SPTB: variants seen among roughly 807,000 people sequenced by gnomAD.
The protein encoded by SPTB is spectrin beta, erythrocytic, also known as spectrin beta chain, erythrocytic.
SPTB carries 45 observed loss-of-function variants against 256.2 expected under a neutral mutation model. The ratio of observed to expected loss-of-function variants is 0.18; its 90% confidence interval spans 0.14 to 0.23. SPTB has a LOEUF of 0.23. Among genes scored for constraint, SPTB ranks in the 10% least tolerant of loss-of-function variants. The probability of loss-of-function intolerance (pLI) is 1.00; values close to 1 mark genes in which losing one functional copy is unlikely to be tolerated. For synonymous variants in SPTB, 1,231 were observed against 1,243.1 expected (o/e 0.99, Z 0.21); for missense variants, 2,715 against 3,040.4 (o/e 0.89, Z 2.52).
intron 1 of SPTB, among the ~76,000 whole-genome samples, chr14:64,837,823 A>T (rs1029540012): frequency 1.3e-5 from 2 of 151,794 alleles, no homozygotes; most frequent in Admixed American, 1.3e-4. Flanking sequence ...CAGGTCTCAA[A>T]CTCCTGACCT....
Position 64,796,442 on chromosome 14 carries a change from G to T in SPTB, c.1341+115C>A. The T allele has an allele frequency of 2.2e-6, 3 of 1,387,118 alleles. No individual in the cohort carries two copies. Among genetic ancestry groups the T allele is most frequent in the Non-Finnish European group, 3.0e-6 (3 of 983,998 alleles). 85.9% of individuals were successfully genotyped at this position (1,387,118 alleles called of 1,614,324 possible). On this transcript the variant is annotated intron_variant, in intron 11 of 35. Coordinates refer to ENST00000644917, the MANE Select transcript of SPTB (RefSeq NM_001355436.2). The surrounding 1 kb of genome is among the most constrained non-coding windows in gnomAD (Gnocchi z 4.1). ...ATCCACTGGATCACGGGGGAGCTGT[G>T]CTGCAAGGCACGAGGAGAGGCTGTG...
intron 1 of SPTB, among the ~76,000 whole-genome samples, chr14:64,830,418 G>A (rs888149507): frequency 6.6e-6 from 1 of 150,696 alleles, no homozygotes; most frequent in Non-Finnish European, 1.5e-5. Context: ...CACTCTTGTT[G>A]CTCATGCTGG....
chr14:64,746,614 AGG>A lies in SPTB; in HGVS notation c.*2690_*2691del. 6.6e-6 allele frequency: 1 copy of A among 152,532 alleles called. No homozygotes were observed. The highest frequency in any genetic ancestry group is 1.9e-4 in the East Asian group (1 of 5,146). The allele number at this position is 152,532 out of a possible 1,614,324, so 9.4% of individuals were successfully genotyped here. A position where few individuals can be genotyped will look rare whatever the true frequency, so the allele number is the denominator to read the frequency against. On this transcript the variant is annotated 3_prime_UTR_variant, in exon 36 of 36. Coordinates refer to ENST00000644917, the MANE Select transcript of SPTB (RefSeq NM_001355436.2). The surrounding 1 kb of genome is among the most constrained non-coding windows in gnomAD (Gnocchi z 4.9). ...TAGGCAGGAAGGAGGAGGGATGCGGAGGAGAGGCTGAGCCTTCCACGGGCCTC... is the reference window on the plus strand; with the variant it reads ...TAGGCAGGAAGGAGGAGGGATGCGGAAGAGGCTGAGCCTTCCACGGGCCTC...
rs2082392327 is a variant in SPTB, at chr14:64,778,014, T to C, written c.4563+1143A>G. Reference sequence around the variant, plus strand: ...AGACTAGAGTTGGCTCATTTTACAATTAAGGAAACTGAGGTCCCAAGGATA... The same window carrying C: ...AGACTAGAGTTGGCTCATTTTACAACTAAGGAAACTGAGGTCCCAAGGATA... On this transcript the variant is annotated intron_variant, in intron 22 of 35. Coordinates refer to ENST00000644917, the MANE Select transcript of SPTB (RefSeq NM_001355436.2). This position sits in a 1 kb window ranked among gnomAD's most constrained non-coding sequence, Gnocchi z 5.2. Among the ~76,000 whole-genome samples, 1 of 152,154 alleles carries C rather than the reference T, an allele frequency of 6.6e-6. No individual in the cohort carries two copies. The highest frequency in any genetic ancestry group is 2.1e-4 in the South Asian group (1 of 4,830).
Position 64,772,654 on chromosome 14 carries a change from C to T in SPTB, c.5479G>A (p.Asp1827Asn), listed in dbSNP as rs2082295071. 1 of 1,613,342 alleles carries T rather than the reference C, an allele frequency of 6.2e-7. No homozygotes were observed. The change falls in exon 26 of 36, where the codon GAC becomes AAC. Residue 1827 changes from aspartate (D) to asparagine (N), a missense_variant. Asp to Asn is a conservative substitution (Grantham distance 23, BLOSUM62 1). Around this residue, in one of 4 missense-constraint regions of SPTB, gnomAD observed 2,239 missense variants for 2,384.4 expected, o/e 0.94. Coordinates refer to ENST00000644917, the MANE Select transcript of SPTB (RefSeq NM_001355436.2). This position sits in a 1 kb window ranked among gnomAD's most constrained non-coding sequence, Gnocchi z 5.4. ...HRELPEDVGLDASTAESFHRV... is the reference protein window; with the variant it reads ...HRELPEDVGLNASTAESFHRV... ...TGGAAGGACTCGGCCGTGCTGGCGT[C>T]CAGCCCCACGTCCTCGGGCAGCTCG...
chr14:64,859,804 C>A (rs1336975616), intron 1 of SPTB, among the ~76,000 whole-genome samples: 1 of 151,844 alleles, frequency 6.6e-6, no homozygotes, highest in Non-Finnish European at 1.5e-5. Flanking sequence ...CCATGATTAT[C>A]TGAGGGCTAA....
At chr14:64,801,475 A>G in intron 6 of SPTB, 75 bp from the exon 7 acceptor site, 1 of 1,137,820 alleles carries the variant, frequency 8.8e-7, no homozygotes, top group Non-Finnish European at 1.3e-6. Context: ...AGCATGAAGC[A>G]GACATTGTAC....
chr14:64,752,764 C>T (rs575377798), intron 33 of SPTB, among the ~76,000 whole-genome samples: 1 of 152,156 alleles, frequency 6.6e-6, no homozygotes, highest in South Asian at 2.1e-4. Flanking sequence ...TTTCGTGAGT[C>T]CCCCAGACAC....
chr14:64,749,745 G>T lies in SPTB; in HGVS notation c.6777-49C>A. The T allele has an allele frequency of 6.2e-7, 1 of 1,600,732 alleles. No individual in the cohort carries two copies. The highest frequency in any genetic ancestry group is 1.7e-5 in the Admixed American group (1 of 58,322). ...TCATGGAGACACCTCTGGAGGGGGC[G>T]CTGGGCAGAGGGCTGGCTCTGATCC... On this transcript the variant is annotated intron_variant, in intron 34 of 35. Coordinates refer to ENST00000644917, the MANE Select transcript of SPTB (RefSeq NM_001355436.2). The surrounding 1 kb of genome is among the most constrained non-coding windows in gnomAD (Gnocchi z 4.7).
rs2083393333 is a variant in SPTB, at chr14:64,827,549, CT to C, written c.-51-4405del. Reference sequence around the variant, plus strand: ...CAGGAGATTAAATCCTGAAGTTTCTCTGGTAATTTTTCTGTCAATCCATCAC... The same window carrying C: ...CAGGAGATTAAATCCTGAAGTTTCTCGGTAATTTTTCTGTCAATCCATCAC... On this transcript the variant is annotated intron_variant, in intron 1 of 35. Transcript: ENST00000644917. The surrounding 1 kb of genome is among the most constrained non-coding windows in gnomAD (Gnocchi z 4.6). 6.6e-6 allele frequency among the ~76,000 whole-genome samples: 1 copy of C among 152,178 alleles called. No individual in the cohort carries two copies. Among genetic ancestry groups the C allele is most frequent in the Non-Finnish European group, 1.5e-5 (1 of 68,020 alleles).
intron 1 of SPTB, among the ~76,000 whole-genome samples, chr14:64,858,143 A>C (rs1444005313): frequency 1.3e-5 from 2 of 152,212 alleles, no homozygotes; most frequent in African/African-American, 4.8e-5. Context: ...TAGCCAAAGC[A>C]TGTAGTCTCT....
At chr14:64,776,011 G>A (rs757249496) in intron 22 of SPTB, among the ~76,000 whole-genome samples, 1 of 152,256 alleles carries the variant, frequency 6.6e-6, no homozygotes, top group East Asian at 1.9e-4. Flanking sequence ...CTTTGGTCAT[G>A]AACACAGCCT....
chr14:64,770,980 G>A lies in SPTB; in HGVS notation c.5703C>T (p.Asp1901=). ...ACAGRRTQLV[D]TADKFRFFSM... is the part of the protein sequence containing the mutation. ...TGAAGAAGCGGAATTTATCCGCCGT[G>A]TCCACTAGCTGGGTCCGGCGCCCGG... Residue 1901 remains aspartate, a synonymous_variant, in exon 27 of 36, where the codon GAC becomes GAT. Transcript: ENST00000644917. 2 of 1,614,166 alleles carry A rather than the reference G, an allele frequency of 1.2e-6. No individual in the cohort carries two copies. The highest frequency in any genetic ancestry group is 1.7e-6 in the Non-Finnish European group (2 of 1,180,044).
rs1247434084 is a variant in SPTB at position 64,759,616 on chromosome 14, A to G, written c.6346-5823T>C. Among the ~76,000 whole-genome samples, 3 of 152,252 alleles carry G rather than the reference A, an allele frequency of 2.0e-5. No homozygotes were observed. The highest frequency in any genetic ancestry group is 7.2e-5 in the African/African-American group (3 of 41,466). On this transcript the variant is annotated intron_variant, in intron 32 of 35. Transcript: ENST00000644917. This position sits in a 1 kb window ranked among gnomAD's most constrained non-coding sequence, Gnocchi z 4.8. ...GCGATGCTGGCTACTCATGTGGCTG[A>G]GATGTGACTAAGGGACCGGCAGGTT...
At chr14:64,751,129 A>G (rs1052233442) in intron 33 of SPTB, among the ~76,000 whole-genome samples, 13 of 147,204 alleles carry the variant, frequency 8.8e-5, no homozygotes, top group African/African-American at 2.7e-4. Flanking sequence ...TTTATATATA[A>G]TATACATATT....
At chr14:64,763,560 C>T (rs2082123043) in intron 32 of SPTB, among the ~76,000 whole-genome samples, 1 of 152,240 alleles carries the variant, frequency 6.6e-6, no homozygotes, top group East Asian at 1.9e-4. Flanking sequence ...AGAAATGTTC[C>T]AGACTTTCCG....
At position 64,827,056 on chromosome 14, in the gene SPTB, T is replaced by A. The variant is rs2083386840; in HGVS notation, c.-51-3911A>T. Among the ~76,000 whole-genome samples the A allele has an allele frequency of 6.6e-6, 1 of 152,184 alleles. No homozygotes were observed. Among genetic ancestry groups the A allele is most frequent in the Admixed American group, 6.5e-5 (1 of 15,284 alleles). On this transcript the variant is annotated intron_variant, in intron 1 of 35. Coordinates refer to ENST00000644917, the MANE Select transcript of SPTB (RefSeq NM_001355436.2). The surrounding 1 kb of genome is among the most constrained non-coding windows in gnomAD (Gnocchi z 4.6). ...GGCTCAGAGCCTCAACCTCATGTGC[T>A]ATGTCCAGTTACTCCCTGGGTTGGT... is the stretch of plus-strand genomic sequence containing the variant.
At position 64,775,602 on chromosome 14, in the gene SPTB, G is replaced by C. The variant is rs1327721376; in HGVS notation, c.4564-199C>G. ...CATGTGCACCATTCTTGCACCCTCA[G>C]GTGGCCTGCTGAGATAAGCATGTGG... On this transcript the variant is annotated intron_variant, in intron 22 of 35. Coordinates refer to ENST00000644917, the MANE Select transcript of SPTB (RefSeq NM_001355436.2). The surrounding 1 kb of genome is among the most constrained non-coding windows in gnomAD (Gnocchi z 5.0). Among the ~76,000 whole-genome samples, 1 of 152,242 alleles carries C rather than the reference G, an allele frequency of 6.6e-6. No individual in the cohort carries two copies. The highest frequency in any genetic ancestry group is 1.5e-5 in the Non-Finnish European group (1 of 68,040).
Position 64,786,436 on chromosome 14 carries a change from C to T in SPTB, c.3529G>A (p.Ala1177Thr). The change falls in exon 16 of 36, where the codon GCC becomes ACC. Residue 1177 changes from alanine (A) to threonine (T), a missense_variant. Ala to Thr is a moderately conservative substitution (Grantham distance 58). Coordinates refer to ENST00000644917, the MANE Select transcript of SPTB (RefSeq NM_001355436.2). The surrounding 1 kb of genome is among the most constrained non-coding windows in gnomAD (Gnocchi z 5.6). ...CTGAGGATGGCTTCAGCCTGCTTGG[C>T]ATCTTTCTGGAACTCCTGGAAGCCA... Reference protein sequence around the residue: ...CLGFQEFQKDAKQAEAILSNQ... With the variant: ...CLGFQEFQKDTKQAEAILSNQ... The T allele has an allele frequency of 1.2e-6, 2 of 1,614,148 alleles. No individual in the cohort carries two copies. Among genetic ancestry groups the T allele is most frequent in the Non-Finnish European group, 1.7e-6 (2 of 1,180,040 alleles).
Sources: allele counts gnomAD v4.1 joint callset (sites outside exome capture counted in the v4.1 genomes callset), GRCh38; gene constraint gnomAD v4.1.1; regional missense constraint gnomAD v4.1.1; non-coding constraint Gnocchi (gnomAD v3.1); transcripts MANE v1.5; gene names NCBI Gene and HGNC (gene_info 2026-07-23, HGNC 2026-07-21).